OR51B5: variants seen among roughly 807,000 people sequenced by gnomAD.
OR51B5 encodes olfactory receptor 51B5.
For synonymous variants in OR51B5, 186 were observed against 144.8 expected (o/e 1.28, Z -2.04); for missense variants, 456 against 374.6 (o/e 1.22, Z -1.79).
At chr11:5,386,679 C>T (rs1287586113) in intron 1 of OR51B5, among the ~76,000 whole-genome samples, 2 of 151,716 alleles carry the variant, frequency 1.3e-5, no homozygotes, top group Admixed American at 6.6e-5. Context: ...AAGGAGGAGC[C>T]TGGCTTTGCA....
chr11:5,400,675 C>T lies in OR51B5; in HGVS notation n.85-53765G>A, dbSNP rs760129325. On this transcript the variant is annotated intron_variant and non_coding_transcript_variant, in intron 1 of 4. Transcript: ENST00000415970. ...GGAGATAAGACTTCAGCATAGGTGACGACTGTATTTGAATATCTGTGGAAG... is the reference window on the plus strand; with the variant it reads ...GGAGATAAGACTTCAGCATAGGTGATGACTGTATTTGAATATCTGTGGAAG... Among the ~76,000 whole-genome samples, 14 of 152,100 alleles carry T rather than the reference C, an allele frequency of 9.2e-5. No individual in the cohort carries two copies. In the East Asian group the frequency reaches 2.1e-3, roughly 23 times the overall value.
At chr11:5,489,511 C>T (rs769167818) in intron 1 of OR51B5, 3 of 1,614,082 alleles carry the variant, frequency 1.9e-6, no homozygotes, top group East Asian at 4.5e-5. Context: ...CCGCTTTGGT[C>T]ACCACGAAGT....
intron 1 of OR51B5, among the ~76,000 whole-genome samples, chr11:5,377,172 A>G (rs530357270): frequency 6.6e-6 from 1 of 152,280 alleles, no homozygotes; most frequent in African/African-American, 2.4e-5. Flanking sequence ...AAATCAATAA[A>G]TGTAATCCAG....
At chr11:5,468,445 A>T in intron 1 of OR51B5, 1 of 328,364 alleles carries the variant, frequency 3.0e-6, no homozygotes, top group African/African-American at 2.2e-5. Context: ...CATCAGCAAC[A>T]ACAAAGAAAC....
At chr11:5,504,862 CTGA>C (rs766834137) in intron 1 of OR51B5, among the ~76,000 whole-genome samples, 5 of 152,208 alleles carry the variant, frequency 3.3e-5, no homozygotes, top group Admixed American at 6.5e-5. Flanking sequence ...AGGCATGAGG[CTGA>C]TGAGTTTACT....
chr11:5,374,389 G>T (rs539390755), intron 1 of OR51B5, among the ~76,000 whole-genome samples: 1 of 152,252 alleles, frequency 6.6e-6, no homozygotes, highest in South Asian at 2.1e-4. Flanking sequence ...GGAAAAAACA[G>T]AGCAGAAAAA....
rs1850867873 is a variant in OR51B5, at chr11:5,452,450, A to G, written n.84+53119T>C. On this transcript the variant is annotated intron_variant and non_coding_transcript_variant, in intron 1 of 4. Transcript: ENST00000415970. ...GAACCCGGGAGGTGGAGTTGCAGTG[A>G]GCCGAGATTGCACCACTGCACTCCA... Among the ~76,000 whole-genome samples, 5 of 134,734 alleles carry G rather than the reference A, an allele frequency of 3.7e-5. No homozygotes were observed. The South Asian group carries it at 1.3e-3, about 35-fold the overall frequency. The allele number at this position is 134,734 out of a possible 152,430, so 88.4% of individuals were successfully genotyped here.
rs112049705 is a variant in OR51B5, at chr11:5,351,986, G to T, written n.85-5076C>A. On this transcript the variant is annotated intron_variant and non_coding_transcript_variant, in intron 1 of 4. Transcript: ENST00000415970. ...CTGTCCATTATGCCAATAGTTGTTC[G>T]CCTACACTGGTTTCCCTACTGTCGA... 1.9e-6 allele frequency: 3 copies of T among 1,613,278 alleles called. No individual in the cohort carries two copies. The South Asian group carries it at 3.3e-5, about 18-fold the overall frequency.
chr11:5,399,307 G>A (rs1564800230), intron 1 of OR51B5, among the ~76,000 whole-genome samples: 1 of 152,158 alleles, frequency 6.6e-6, no homozygotes, highest in African/African-American at 2.4e-5. Flanking sequence ...TTAATAAAAA[G>A]TTGGAAATAA....
chr11:5,342,570 C>CT (rs1564911550), downstream of OR51B5: 1 of 1,556,970 alleles, frequency 6.4e-7, no homozygotes. Flanking sequence ...GTGAGAGTGA[C>CT]TGTGATGATT....
At chr11:5,356,221 A>G (rs983717013) in intron 1 of OR51B5, among the ~76,000 whole-genome samples, 2 of 152,076 alleles carry the variant, frequency 1.3e-5, no homozygotes, top group African/African-American at 4.8e-5. Flanking sequence ...AAAGTTAAAA[A>G]CCTTGAAAAT....
chr11:5,375,688 C>T (rs1849515583), intron 1 of OR51B5, among the ~76,000 whole-genome samples: 1 of 151,894 alleles, frequency 6.6e-6, no homozygotes, highest in Non-Finnish European at 1.5e-5. Flanking sequence ...AGGCTTTAAA[C>T]CAACAAAGAT....
intron 1 of OR51B5, among the ~76,000 whole-genome samples, chr11:5,398,298 A>T (rs556974246): frequency 6.6e-6 from 1 of 152,216 alleles, no homozygotes; most frequent in Non-Finnish European, 1.5e-5. Context: ...TACTGACTCT[A>T]TATCTTTGCT....
At chr11:5,399,849 ACT>A (rs1445175897) in intron 1 of OR51B5, among the ~76,000 whole-genome samples, 1 of 151,760 alleles carries the variant, frequency 6.6e-6, no homozygotes, top group Non-Finnish European at 1.5e-5. Context: ...AGGAGGAGAG[ACT>A]CTAGTTTCAA....
chr11:5,380,812 G>A (rs1470704571), intron 1 of OR51B5, among the ~76,000 whole-genome samples: 2 of 152,182 alleles, frequency 1.3e-5, no homozygotes, highest in African/African-American at 2.4e-5. Context: ...TTTCAGCTGT[G>A]TAGTGGGTAT....
At chr11:5,461,262 G>T (rs941333573) in intron 1 of OR51B5, among the ~76,000 whole-genome samples, 1 of 152,198 alleles carries the variant, frequency 6.6e-6, no homozygotes, top group African/African-American at 2.4e-5. Flanking sequence ...AGGCCAGGGG[G>T]TGGAGGCGAG....
intron 1 of OR51B5, among the ~76,000 whole-genome samples, chr11:5,381,302 C>T (rs1849606526): frequency 6.6e-6 from 1 of 152,112 alleles, no homozygotes; most frequent in Admixed American, 6.6e-5. Context: ...ATTCTAATAC[C>T]TTAAAGGTTA....
At chr11:5,391,432 A>C (rs1785055531) in intron 1 of OR51B5, 1 of 152,216 alleles carries the variant, frequency 6.6e-6, no homozygotes, top group South Asian at 2.1e-4. Context: ...GAATGACTAA[A>C]TCAAGATCCC....
intron 1 of OR51B5, among the ~76,000 whole-genome samples, chr11:5,433,067 A>C (rs1347271368): frequency 6.6e-6 from 1 of 152,222 alleles, no homozygotes; most frequent in Non-Finnish European, 1.5e-5. Context: ...TGAAGGATAT[A>C]AACATTTCAG....
Sources: gnomAD v4.1 joint callset for allele counts (sites outside exome capture counted in the v4.1 genomes callset) on GRCh38, gnomAD v4.1.1 for gene constraint, MANE v1.5 for transcripts, NCBI Gene and HGNC (gene_info 2026-07-23, HGNC 2026-07-21) for gene names.